The following NLGN1 variants were observed in gnomAD, a reference collection of about 807,000 sequenced individuals.
NLGN1 encodes the protein neuroligin-1.
A neutral mutation model predicts 65.5 loss-of-function variants in NLGN1; 12 were observed. The ratio of observed to expected loss-of-function variants is 0.18; its 90% confidence interval spans 0.12 to 0.30. The LOEUF (loss-of-function observed/expected upper bound fraction) is 0.30, where lower values mean the gene tolerates loss of function less well. NLGN1 is among the 10% of genes least tolerant of loss of function. The pLI, the probability that NLGN1 is intolerant of heterozygous loss-of-function variation, is 1.00. For synonymous variants in NLGN1, 350 were observed against 359.5 expected (o/e 0.97, Z 0.30); for missense variants, 750 against 1,007.1 (o/e 0.74, Z 3.46).
chr3:173,633,002 CT>C (rs1459273967), intron 3 of NLGN1, among the ~76,000 whole-genome samples: 1 of 151,620 alleles, frequency 6.6e-6, no homozygotes, highest in Admixed American at 6.6e-5. Flanking sequence ...AAATATTTTT[CT>C]CTTGTGATAC....
chr3:173,646,622 AT>A (rs1758315398), intron 3 of NLGN1, among the ~76,000 whole-genome samples: 1 of 152,188 alleles, frequency 6.6e-6, no homozygotes, highest in South Asian at 2.1e-4. Context: ...AGTATGTACA[AT>A]TATTACATAT....
chr3:173,697,985 T>TGGATGGTA (rs1306236134), intron 3 of NLGN1, among the ~76,000 whole-genome samples: 1 of 151,168 alleles, frequency 6.6e-6, no homozygotes, highest in Non-Finnish European at 1.5e-5. Context: ...TCCATTGCAG[T>TGGATGGTA]GGATGGTAAC....
chr3:174,012,201 T>A (rs1052917171), intron 4 of NLGN1, among the ~76,000 whole-genome samples: 2 of 152,130 alleles, frequency 1.3e-5, no homozygotes, highest in Non-Finnish European at 2.9e-5. Context: ...AGGTGTCCCT[T>A]ACCACCCATC....
At chr3:174,291,852 G>C in the NLGN1 span, among the ~76,000 whole-genome samples, 4 of 151,180 alleles carry the variant, frequency 2.6e-5, no homozygotes, top group Admixed American at 2.6e-4. Flanking sequence ...CTATATGGTG[G>C]AGTACAGTAT....
intron 4 of NLGN1, among the ~76,000 whole-genome samples, chr3:174,196,779 G>A (rs1172663145): frequency 6.6e-6 from 1 of 152,146 alleles, no homozygotes; most frequent in East Asian, 1.9e-4. Context: ...GATCTACAAT[G>A]TATAGAAAAA....
chr3:174,122,869 C>T (rs1718073101), intron 4 of NLGN1, among the ~76,000 whole-genome samples: 1 of 151,364 alleles, frequency 6.6e-6, no homozygotes, highest in African/African-American at 2.4e-5. Context: ...TGTACAAAGT[C>T]AATTTGTTTC....
intron 4 of NLGN1, among the ~76,000 whole-genome samples, chr3:173,928,522 T>C (rs1743439637): frequency 6.6e-6 from 1 of 152,202 alleles, no homozygotes; most frequent in Non-Finnish European, 1.5e-5. Flanking sequence ...TGAAAGGCAC[T>C]TAATATTCAT....
In NLGN1 at chr3:173,983,659, G is replaced by A. The variant is rs186918451; in HGVS notation, c.646+175827G>A. 3.6e-3 allele frequency among the ~76,000 whole-genome samples: 544 copies of A among 152,124 alleles called. 9 individuals are homozygous for A. The highest frequency in any genetic ancestry group is 0.012 in the African/African-American group (503 of 41,508). On this transcript the variant is annotated intron_variant, in intron 4 of 6. Transcript: ENST00000457714. ...CAGTATGTCTCCATTAGAAAGCCAT[G>A]CACAGCTCTTCCTTTGCCTGGATCT...
At chr3:173,686,866 T>C (rs1055733491) in intron 3 of NLGN1, among the ~76,000 whole-genome samples, 1 of 152,072 alleles carries the variant, frequency 6.6e-6, no homozygotes, top group African/African-American at 2.4e-5. Flanking sequence ...GGCAGGAGAA[T>C]TGCTTGAACC....
chr3:173,932,748 A>G (rs1179699305), intron 4 of NLGN1, among the ~76,000 whole-genome samples: 1 of 152,106 alleles, frequency 6.6e-6, no homozygotes, highest in African/African-American at 2.4e-5. Context: ...AGAGAATTAA[A>G]GTGTTCAGCC....
intron 3 of NLGN1, among the ~76,000 whole-genome samples, chr3:173,683,668 A>G (rs769426404): frequency 2.6e-5 from 4 of 152,194 alleles, no homozygotes; most frequent in Non-Finnish European, 2.9e-5. Flanking sequence ...TTACTTCAGA[A>G]CCCATCCACA....
chr3:174,153,186 T>C (rs1054539229), intron 4 of NLGN1, among the ~76,000 whole-genome samples: 2 of 152,132 alleles, frequency 1.3e-5, no homozygotes, highest in African/African-American at 4.8e-5. Context: ...AATATGTCAC[T>C]CCCTTATTCG....
chr3:173,519,146 G>T (rs547888421), intron 2 of NLGN1, among the ~76,000 whole-genome samples: 2 of 152,326 alleles, frequency 1.3e-5, no homozygotes, highest in East Asian at 3.9e-4. Flanking sequence ...TGTGTGCAGA[G>T]TCCAATAGTT....
intron 3 of NLGN1, among the ~76,000 whole-genome samples, chr3:173,789,212 G>C (rs1712064250): frequency 6.6e-6 from 1 of 151,178 alleles, no homozygotes; most frequent in South Asian, 2.1e-4. Flanking sequence ...AAAAAAGAAA[G>C]AGAGAGAGAG....
intron 4 of NLGN1, among the ~76,000 whole-genome samples, chr3:174,122,229 A>G (rs1717929999): frequency 6.6e-6 from 1 of 152,316 alleles, no homozygotes; most frequent in South Asian, 2.1e-4. Flanking sequence ...GTTCAATGCC[A>G]TCCGCATCTC....
intron 2 of NLGN1, among the ~76,000 whole-genome samples, chr3:173,574,004 A>C (rs978068204): frequency 6.9e-6 from 1 of 144,964 alleles, no homozygotes; most frequent in Non-Finnish European, 1.5e-5. Flanking sequence ...CGGAGCTTGC[A>C]GTGAGCCGAG....
chr3:173,678,384 T>C (rs938882587), intron 3 of NLGN1, among the ~76,000 whole-genome samples: 2 of 151,994 alleles, frequency 1.3e-5, no homozygotes, highest in African/African-American at 4.8e-5. Context: ...GAAAAGGCCA[T>C]TGGATGTACA....
intron 4 of NLGN1, among the ~76,000 whole-genome samples, chr3:173,842,684 G>C (rs750285330): frequency 2.4e-4 from 37 of 152,210 alleles, no homozygotes; most frequent in Non-Finnish European, 4.3e-4. Flanking sequence ...TGATGCAAGA[G>C]GTGGGTTCCC....
chr3:173,758,551 G>T (rs1777474830), intron 3 of NLGN1, among the ~76,000 whole-genome samples: 1 of 151,854 alleles, frequency 6.6e-6, no homozygotes, highest in Non-Finnish European at 1.5e-5. Flanking sequence ...TAGCTTACAA[G>T]AGAAAATCCA....
Sources: gnomAD v4.1 joint callset for allele counts (sites outside exome capture counted in the v4.1 genomes callset) on GRCh38, gnomAD v4.1.1 for gene constraint, MANE v1.5 for transcripts, NCBI Gene and HGNC (gene_info 2026-07-23, HGNC 2026-07-21) for gene names.